Variants in ABRAXAS1 observed in about 807,000 individuals in gnomAD.
ABRAXAS1 encodes BRCA1-A complex subunit Abraxas 1.
ABRAXAS1 carries 26 observed loss-of-function variants against 38.4 expected under a neutral mutation model. That is an observed-to-expected ratio of 0.68 (90% CI 0.50 to 0.94). ABRAXAS1 has a LOEUF of 0.94. Ranked by LOEUF, ABRAXAS1 falls within the 40% of genes least tolerant of loss-of-function variation. ABRAXAS1 has a pLI of 0.00. For missense variants in ABRAXAS1, 438 were observed against 481.9 expected (o/e 0.91, Z 0.85); for synonymous variants, 144 against 165.5 (o/e 0.87, Z 1.00).
chr4:83,464,265 C>T (rs1411319848), intron 7 of ABRAXAS1, among the ~76,000 whole-genome samples: 1 of 152,148 alleles, frequency 6.6e-6, no homozygotes, highest in East Asian at 1.9e-4. Context: ...CACTAAGAAA[C>T]TCACAGTAAG....
At position 83,476,690 on chromosome 4, in the gene ABRAXAS1, A is replaced by T. The variant is rs1722782016; in HGVS notation, c.179-11T>A. On this transcript the variant is annotated splice_polypyrimidine_tract_variant and intron_variant, in intron 2 of 8. Transcript: ENST00000321945. The stretch of plus-strand genomic sequence containing the variant: ...TATATTTCTGAATGTCTGGAAGAAA[A>T]GGATTTTTAGTTATGATTACATTAA... 2.6e-6 allele frequency: 4 copies of T among 1,531,780 alleles called. No individual in the cohort carries two copies. In the African/African-American group the frequency reaches 5.5e-5, roughly 21 times the overall value. The allele number at this position is 1,531,780 out of a possible 1,614,324, so 94.9% of individuals were successfully genotyped here.
At chr4:83,470,502 T>C in intron 4 of ABRAXAS1, 106 bp from the exon 5 acceptor site, 1 of 793,058 alleles carries the variant, frequency 1.3e-6, no homozygotes, top group Non-Finnish European at 1.9e-6. Flanking sequence ...TCTTAATATT[T>C]AGAAAGATTT....
intron 4 of ABRAXAS1, among the ~76,000 whole-genome samples, chr4:83,470,978 C>T (rs1288203530): frequency 3.3e-5 from 5 of 151,906 alleles, no homozygotes; most frequent in Non-Finnish European, 7.4e-5. Context: ...AATAATTCTC[C>T]TTTACTTAAG....
In ABRAXAS1 at chr4:83,485,058, A is replaced by C. The variant is rs764011145; in HGVS notation, c.15T>G (p.Ser5Arg). 2 of 1,588,966 alleles carry C rather than the reference A, an allele frequency of 1.3e-6. No individual in the cohort carries two copies. Among genetic ancestry groups the C allele is most frequent in the South Asian group, 1.1e-5 (1 of 88,530 alleles). MEGESTSAVLSGFVL... is the reference protein window; with the variant it reads MEGERTSAVLSGFVL... ...CAAAGCCCGAGAGCACCGCCGACGT[A>C]CTCTCCCCCTCCATGCTACCGCCGC... Residue 5 changes from serine to arginine, a missense_variant, in exon 1 of 9, where the codon AGT (serine) becomes AGG (arginine). By Grantham distance (110) the Ser-to-Arg change is moderately radical. This residue lies in a region of ABRAXAS1 where 60 missense variants were observed against 31.1 expected (regional missense o/e 1.93). Transcript: ENST00000321945.
intron 1 of ABRAXAS1, 84 bp downstream of exon 1, chr4:83,484,902 G>C (rs1723127363): frequency 8.4e-7 from 1 of 1,197,576 alleles, no homozygotes; most frequent in South Asian, 1.5e-5. Context: ...GGAGCGGGCG[G>C]GGACCGGAGC....
At chr4:83,473,795 G>A (rs1172820675) in intron 3 of ABRAXAS1, among the ~76,000 whole-genome samples, 4 of 151,670 alleles carry the variant, frequency 2.6e-5, no homozygotes, top group African/African-American at 7.3e-5. Context: ...AATTATAGGC[G>A]TGAGCCACCA....
At chr4:83,468,164 G>C (rs1560573552) in intron 6 of ABRAXAS1, among the ~76,000 whole-genome samples, 1 of 152,038 alleles carries the variant, frequency 6.6e-6, no homozygotes, top group Non-Finnish European at 1.5e-5. Flanking sequence ...AATTAGCCGG[G>C]CATGGTGGTG....
At chr4:83,464,838 A>G (rs1722287306) in intron 7 of ABRAXAS1, among the ~76,000 whole-genome samples, 1 of 152,206 alleles carries the variant, frequency 6.6e-6, no homozygotes, top group African/African-American at 2.4e-5. Context: ...AAGGATAGCA[A>G]TGTGCAGACA....
rs889218453 is a variant in ABRAXAS1 at position 83,460,713 on chromosome 4, G to A, written c.*1756C>T. ...GAGGCCAGGAGTTCAGGACCAGCCT[G>A]GCCAATATGGTGAAACCCCGTTTCT... On this transcript the variant is annotated 3_prime_UTR_variant, in exon 9 of 9. Transcript: ENST00000321945. 2.6e-6 allele frequency: 1 copy of A among 386,406 alleles called. No individual in the cohort carries two copies. The highest frequency in any genetic ancestry group is 4.4e-5 in the Admixed American group (1 of 22,654). 23.9% of individuals were successfully genotyped at this position (386,406 alleles called of 1,614,324 possible).
In ABRAXAS1 at chr4:83,481,164, T is replaced by C. The variant is rs62305263; in HGVS notation, c.178+990A>G. ...AAAAGAAAAGAAATGAAAAATAATATTGTAGAGGATTATGCAACATTGTAA... is the reference window on the plus strand; with the variant it reads ...AAAAGAAAAGAAATGAAAAATAATACTGTAGAGGATTATGCAACATTGTAA... On this transcript the variant is annotated intron_variant, in intron 2 of 8. Coordinates refer to ENST00000321945, the MANE Select transcript of ABRAXAS1 (RefSeq NM_139076.3). 3.6e-3 allele frequency among the ~76,000 whole-genome samples: 542 copies of C among 152,030 alleles called. 1 individual carries two copies. The highest frequency in any genetic ancestry group is 6.8e-3 in the Middle Eastern group (2 of 294).
intron 3 of ABRAXAS1, among the ~76,000 whole-genome samples, chr4:83,474,232 G>A (rs1722684855): frequency 1.3e-5 from 2 of 152,016 alleles, no homozygotes; most frequent in Non-Finnish European, 2.9e-5. Flanking sequence ...CTATTTCCCA[G>A]GTACTTCCTC....
Position 83,459,696 on chromosome 4 carries a change from TA to T in ABRAXAS1, c.*2772del. ...TGAAATTTACACATTCAGAAATAAA[TA>T]ACAGATACTTTTTTTTCCCCTCCAC... On this transcript the variant is annotated 3_prime_UTR_variant, in exon 9 of 9. Coordinates refer to ENST00000321945, the MANE Select transcript of ABRAXAS1 (RefSeq NM_139076.3). The T allele has an allele frequency of 6.5e-7, 1 of 1,544,134 alleles. No individual in the cohort carries two copies.
At chr4:83,467,231 G>T in intron 7 of ABRAXAS1, 1 of 382,780 alleles carries the variant, frequency 2.6e-6, no homozygotes. Context: ...TTTTCCCTAT[G>T]AAAACTAAAA....
intron 7 of ABRAXAS1, chr4:83,463,810 G>C (rs2110034248): frequency 2.9e-6 from 1 of 347,514 alleles, no homozygotes; most frequent in East Asian, 4.3e-5. Context: ...GTTGTAAAAT[G>C]CTTTTTCACA....
intron 1 of ABRAXAS1, among the ~76,000 whole-genome samples, chr4:83,482,845 T>C (rs1230142929): frequency 6.6e-6 from 1 of 152,088 alleles, no homozygotes; most frequent in East Asian, 1.9e-4. Flanking sequence ...AATATTTGTG[T>C]AGGCAGAGCA....
intron 4 of ABRAXAS1, among the ~76,000 whole-genome samples, chr4:83,471,188 C>T (rs1490543382): frequency 9.8e-6 from 1 of 101,652 alleles, no homozygotes; most frequent in Non-Finnish European, 2.1e-5. Context: ...TTGAAAGAAA[C>T]ATCTTTTTTT....
intron 1 of ABRAXAS1, chr4:83,484,127 C>G (rs1424308033): frequency 1.0e-6 from 1 of 962,250 alleles, no homozygotes; most frequent in African/African-American, 1.8e-5. Context: ...CTCGGCTTCC[C>G]AAAGGGCTGG....
rs370551691 is a variant in ABRAXAS1, at chr4:83,466,046, T to C, written c.681+1408A>G. Among the ~76,000 whole-genome samples, 16 of 152,290 alleles carry C rather than the reference T, an allele frequency of 1.1e-4. 1 individual carries two copies. The highest frequency in any genetic ancestry group is 9.1e-4 in the Admixed American group (14 of 15,302). Reference sequence around the variant, plus strand: ...CTTCCCCTGGGCTGTTCCTAGCCAATGACTAAGCACACTGCAGGTATTAGT... The same window carrying C: ...CTTCCCCTGGGCTGTTCCTAGCCAACGACTAAGCACACTGCAGGTATTAGT... On this transcript the variant is annotated intron_variant, in intron 7 of 8. Coordinates refer to ENST00000321945, the MANE Select transcript of ABRAXAS1 (RefSeq NM_139076.3).
intron 1 of ABRAXAS1, 124 bp from the exon 2 acceptor site, chr4:83,482,368 A>C: frequency 1.9e-6 from 1 of 528,716 alleles, no homozygotes; most frequent in Non-Finnish European, 3.3e-6. Context: ...GCACATATGA[A>C]AGATCTGAGA....
Sources: allele counts gnomAD v4.1 joint callset (sites outside exome capture counted in the v4.1 genomes callset), GRCh38; gene constraint gnomAD v4.1.1; regional missense constraint gnomAD v4.1.1; transcripts MANE v1.5; gene names NCBI Gene and HGNC (gene_info 2026-07-23, HGNC 2026-07-21).